DCHS2: variants seen among roughly 807,000 people sequenced by gnomAD.
The protein encoded by DCHS2 is protocadherin-23.
A neutral mutation model predicts 182.4 loss-of-function variants in DCHS2; 142 were observed. The ratio of observed to expected loss-of-function variants is 0.78; its 90% CI spans 0.68 to 0.89. The LOEUF (loss-of-function observed/expected upper bound fraction) is 0.89, where lower values mean the gene tolerates loss of function less well. Ranked by LOEUF, DCHS2 falls within the 40% of genes least tolerant of loss-of-function variation. The pLI is 0.00. For missense variants in DCHS2, 4,319 were observed against 4,198.6 expected (o/e 1.03, Z -0.79); for synonymous variants, 1,740 against 1,663.3 (o/e 1.05, Z -1.12).
At chr4:154,257,335 A>G (rs1414295718) in intron 15 of DCHS2, among the ~76,000 whole-genome samples, 1 of 152,222 alleles carries the variant, frequency 6.6e-6, no homozygotes, top group Non-Finnish European at 1.5e-5. Context: ...TGCTAACCCA[A>G]CCGGGGAGAG....
rs1049197776 is a variant in DCHS2 at position 154,314,261 on chromosome 4, C to T, written c.5260+1487G>A. 2.0e-5 allele frequency among the ~76,000 whole-genome samples: 3 copies of T among 152,130 alleles called. No homozygotes were observed. The South Asian group carries it at 6.2e-4, about 32-fold the overall frequency. On this transcript the variant is annotated intron_variant, in intron 10 of 19. Transcript: ENST00000357232. ...TTGCATTGCTCAGCACCCTGTATTG[C>T]TCTGTTTCTACAGAGAACACTCTAA...
intron 14 of DCHS2, among the ~76,000 whole-genome samples, chr4:154,266,585 G>A (rs1733274427): frequency 6.6e-6 from 1 of 151,574 alleles, no homozygotes; most frequent in Non-Finnish European, 1.5e-5. Flanking sequence ...GAACCCAGGA[G>A]GTGGAGGTGG....
intron 1 of DCHS2, among the ~76,000 whole-genome samples, chr4:154,446,484 T>C (rs527427800): frequency 3.2e-4 from 49 of 152,342 alleles, no homozygotes; most frequent in African/African-American, 1.2e-3. Flanking sequence ...AATGAGGCAG[T>C]TCTCAGTTAC....
intron 3 of DCHS2, among the ~76,000 whole-genome samples, chr4:154,345,591 C>T (rs1003543663): frequency 9.9e-5 from 15 of 152,190 alleles, no homozygotes; most frequent in African/African-American, 2.9e-4. Flanking sequence ...TCTTGTTATT[C>T]TCTGCCTAAC....
intron 1 of DCHS2, among the ~76,000 whole-genome samples, chr4:154,469,147 A>G (rs1193785280): frequency 6.6e-6 from 1 of 152,164 alleles, no homozygotes; most frequent in Non-Finnish European, 1.5e-5. Context: ...AAGACATAAG[A>G]AAGTAAGAGA....
chr4:154,415,384 T>C (rs1732791765), intron 1 of DCHS2, among the ~76,000 whole-genome samples: 1 of 152,206 alleles, frequency 6.6e-6, no homozygotes, highest in African/African-American at 2.4e-5. Context: ...AAATTTTCAG[T>C]AGCCTCAGGT....
intron 7 of DCHS2, among the ~76,000 whole-genome samples, chr4:154,326,402 C>A (rs2130712): frequency 0.81 from 122,703 of 152,144 alleles, 52,017 homozygotes; most frequent in South Asian, 0.94. Flanking sequence ...TGAATAGTCA[C>A]ATTGTAAACA....
intron 1 of DCHS2, among the ~76,000 whole-genome samples, chr4:154,394,347 C>G (rs527575295): frequency 6.6e-6 from 1 of 152,118 alleles, no homozygotes; most frequent in Non-Finnish European, 1.5e-5. Flanking sequence ...GGCACAAGGC[C>G]CCCCTCAGGA....
chr4:154,413,223 A>G (rs1455876204), intron 1 of DCHS2, among the ~76,000 whole-genome samples: 1 of 152,152 alleles, frequency 6.6e-6, no homozygotes, highest in African/African-American at 2.4e-5. Flanking sequence ...AACTATTAAC[A>G]ATCTATCCAT....
intron 1 of DCHS2, among the ~76,000 whole-genome samples, chr4:154,469,197 G>A (rs1735359585): frequency 1.6e-5 from 2 of 123,934 alleles, no homozygotes; most frequent in South Asian, 6.7e-4. Context: ...TGGTGAACTG[G>A]GTAGACACAG....
chr4:154,287,783 A>G (rs1339010857), intron 13 of DCHS2, among the ~76,000 whole-genome samples: 1 of 152,136 alleles, frequency 6.6e-6, no homozygotes. Context: ...CACCCTGCCT[A>G]AAGTGTAGTC....
intron 3 of DCHS2, among the ~76,000 whole-genome samples, chr4:154,335,899 G>T (rs1007347297): frequency 1.3e-5 from 2 of 152,158 alleles, no homozygotes; most frequent in Non-Finnish European, 2.9e-5. Context: ...CATATCACCA[G>T]CCCGAGATGA....
intron 2 of DCHS2, chr4:154,373,882 T>C: frequency 1.9e-6 from 3 of 1,556,286 alleles, no homozygotes; most frequent in African/African-American, 1.4e-5. Context: ...GCACCAGATG[T>C]TAAAAGACTC....
At chr4:154,252,526 T>TATC (rs1368213279) in intron 16 of DCHS2, among the ~76,000 whole-genome samples, 1 of 151,960 alleles carries the variant, frequency 6.6e-6, no homozygotes, top group Non-Finnish European at 1.5e-5. Context: ...TTCTACTCCC[T>TATC]ATCTGCTTGA....
intron 1 of DCHS2, among the ~76,000 whole-genome samples, chr4:154,467,255 G>A (rs1452719809): frequency 6.6e-6 from 1 of 152,118 alleles, no homozygotes; most frequent in Non-Finnish European, 1.5e-5. Context: ...TACACCTGAT[G>A]GCTGTCAAGT....
At chr4:154,352,653 T>C (rs1043609307) in intron 3 of DCHS2, 6 of 152,170 alleles carry the variant, frequency 3.9e-5, no homozygotes, top group Admixed American at 1.3e-4. Context: ...TGACTAACCT[T>C]CCTCCTGAAA....
rs1731543867 is a variant in DCHS2 at position 154,236,880 on chromosome 4, C to T, written c.7772G>A (p.Ser2591Asn). 6.2e-7 allele frequency: 1 copy of T among 1,614,072 alleles called. No homozygotes were observed. The highest frequency in any genetic ancestry group is 8.5e-7 in the Non-Finnish European group (1 of 1,179,974). ...ENTYVEYSIISGNSQNNFHVE... is the reference protein window; with the variant it reads ...ENTYVEYSIINGNSQNNFHVE... ...ATGAAAATTGTTCTGTGAATTACCA[C>T]TGATGATGGAATATTCAACATATGT... The change falls in exon 20 of 20, where the codon AGT becomes AAT. Residue 2591 changes from serine (S) to asparagine (N), a missense_variant. By Grantham distance (46) the Ser-to-Asn change is conservative. Transcript: ENST00000357232.
intron 3 of DCHS2, chr4:154,343,622 A>G: frequency 2.0e-6 from 3 of 1,507,794 alleles, no homozygotes; most frequent in Admixed American, 2.1e-5. Flanking sequence ...TTTTTTCTGC[A>G]GCTTCCTCAT....
chr4:154,438,017 T>A (rs930984179), intron 1 of DCHS2, among the ~76,000 whole-genome samples: 5 of 151,578 alleles, frequency 3.3e-5, no homozygotes, highest in Admixed American at 6.6e-5. Flanking sequence ...TAAAAAAAAG[T>A]TAATAAAATA....
Sources: gnomAD v4.1 joint callset for allele counts (sites outside exome capture counted in the v4.1 genomes callset) on GRCh38, gnomAD v4.1.1 for gene constraint, MANE v1.5 for transcripts, NCBI Gene and HGNC (gene_info 2026-07-23, HGNC 2026-07-21) for gene names.